The following GUCY2D variants were observed in gnomAD, a reference collection of about 807,000 sequenced individuals.
GUCY2D encodes retinal guanylyl cyclase 1.
GUCY2D carries 70 observed loss-of-function variants against 101.3 expected under a neutral mutation model. That is an observed-to-expected ratio of 0.69 (90% confidence interval 0.57 to 0.84). The LOEUF is 0.84. Among genes scored for constraint, GUCY2D ranks in the 40% least tolerant of loss-of-function variants. The probability of loss-of-function intolerance (pLI) is 0.00; values close to 1 mark genes in which losing one functional copy is unlikely to be tolerated. For synonymous variants in GUCY2D, 688 were observed against 670.7 expected, an observed-to-expected ratio of 1.03 and a Z score of -0.40; for missense variants, 1,460 against 1,542.5, an observed-to-expected ratio of 0.95 and a Z score of 0.90.
In GUCY2D at chr17:8,012,613, G is replaced by A; in HGVS notation, c.2113+7G>A. 1 of 1,610,216 alleles carries A rather than the reference G, an allele frequency of 6.2e-7. No individual in the cohort carries two copies. The highest frequency in any genetic ancestry group is 8.5e-7 in the Non-Finnish European group (1 of 1,177,316). On this transcript the variant is annotated splice_region_variant and intron_variant, in intron 10 of 19. Transcript: ENST00000254854. ...GAGCCTCCCAGAGCGGAGGGTAAGAGTCCCCTGTGCAGACGAGGATCCACC... is the reference window on the plus strand; with the variant it reads ...GAGCCTCCCAGAGCGGAGGGTAAGAATCCCCTGTGCAGACGAGGATCCACC...
At chr17:8,016,125 T>G in intron 17 of GUCY2D, 80 bp from the exon 18 acceptor site, 1 of 1,334,296 alleles carries the variant, frequency 7.5e-7, no homozygotes, top group Admixed American at 2.0e-5. Context: ...TGACCTGGTC[T>G]CCCAGTTCCA....
At position 8,003,768 on chromosome 17, in the gene GUCY2D, G is replaced by C. The variant is rs752141508; in HGVS notation, c.721G>C (p.Ala241Pro). Residue 241 changes from alanine (A) to proline (P), a missense_variant and splice_region_variant, in exon 2 of 20, where the codon GCA becomes CCA. Ala to Pro is a conservative substitution (Grantham distance 27). Coordinates refer to ENST00000254854, the MANE Select transcript of GUCY2D (RefSeq NM_000180.4). ...GGTTCGGGACGGGCCCAGGGTCACAGGTAGGCTCCCTTGCAGGGTGCGAGG... is the reference window on the plus strand; with the variant it reads ...GGTTCGGGACGGGCCCAGGGTCACACGTAGGCTCCCTTGCAGGGTGCGAGG... Reference protein sequence around the residue: ...RKVRDGPRVTAVIMVMHSVLL... With the variant: ...RKVRDGPRVTPVIMVMHSVLL... 1.2e-6 allele frequency: 2 copies of C among 1,600,052 alleles called. No individual in the cohort carries two copies. The highest frequency in any genetic ancestry group is 1.7e-6 in the Non-Finnish European group (2 of 1,179,624).
intron 3 of GUCY2D, 68 bp downstream of exon 3, chr17:8,004,224 A>G: frequency 1.4e-6 from 2 of 1,387,172 alleles, no homozygotes; most frequent in Non-Finnish European, 1.9e-6. Context: ...CAGGGAGAGG[A>G]GGATGCAGCC....
Position 8,004,016 on chromosome 17 carries a change from G to T in GUCY2D, c.886G>T (p.Ala296Ser). 6.2e-7 allele frequency: 1 copy of T among 1,612,712 alleles called. No homozygotes were observed. The highest frequency in any genetic ancestry group is 8.5e-7 in the Non-Finnish European group (1 of 1,179,926). ...SPGPEALAALANSSQLRRAHD... is the reference protein window; with the variant it reads ...SPGPEALAALSNSSQLRRAHD... The stretch of plus-strand genomic sequence containing the variant: ...AGGCCCGGAGGCCTTGGCCGCACTC[G>T]CCAACAGCTCCCAGCTTCGCAGGGC... The change falls in exon 3 of 20, where the codon GCC becomes TCC. Residue 296 changes from alanine (A) to serine (S), a missense_variant. Ala to Ser is a moderately conservative substitution (Grantham distance 99). Around this residue, in one of 3 missense-constraint regions of GUCY2D, gnomAD observed 1,196 missense variants for 1,229.6 expected, o/e 0.97. Coordinates refer to ENST00000254854, the MANE Select transcript of GUCY2D (RefSeq NM_000180.4).
intron 19 of GUCY2D, among the ~76,000 whole-genome samples, chr17:8,019,759 GAAATCTTATTTCC>G (rs1340689266): frequency 6.6e-6 from 1 of 152,126 alleles, no homozygotes; most frequent in African/African-American, 2.4e-5. Context: ...CATTTCTCTG[GAAATCTTATTTCC>G]TGGACCCAGT....
Position 8,012,131 on chromosome 17 carries a change from C to G in GUCY2D, c.1750-13C>G. The G allele has an allele frequency of 6.2e-7, 1 of 1,603,434 alleles. No individual in the cohort carries two copies. On this transcript the variant is annotated splice_polypyrimidine_tract_variant and intron_variant, in intron 8 of 19. Transcript: ENST00000254854. ...CCTGGGCAGAAAATGCAAGTCAACT[C>G]TCCCCCTCTCAGCTCCAGGAGCTCC...
Position 8,006,436 on chromosome 17 carries a change from C to T in GUCY2D, c.1100C>T (p.Ala367Val), listed in dbSNP as rs1164328257. The change falls in exon 4 of 20, where the codon GCC (alanine) becomes GTC (valine). Residue 367 changes from alanine to valine, a missense_variant. By Grantham distance (64) the Ala-to-Val change is moderately conservative (BLOSUM62 0). Transcript: ENST00000254854. ...AGGGGCGTGGCAGAAGCGCGGGCTGCCGCAGGTGGCAGATGGGTGTCCGGA... is the reference window on the plus strand; with the variant it reads ...AGGGGCGTGGCAGAAGCGCGGGCTGTCGCAGGTGGCAGATGGGTGTCCGGA... ...LARGVAEARAAAGGRWVSGAA... is the reference protein window; with the variant it reads ...LARGVAEARAVAGGRWVSGAA... 3 of 1,604,148 alleles carry T rather than the reference C, an allele frequency of 1.9e-6. No individual in the cohort carries two copies. Among genetic ancestry groups the T allele is most frequent in the East Asian group, 2.2e-5 (1 of 44,882 alleles).
At chr17:8,004,975 T>C (rs1019559889) in intron 3 of GUCY2D, among the ~76,000 whole-genome samples, 2 of 151,726 alleles carry the variant, frequency 1.3e-5, no homozygotes, top group African/African-American at 4.8e-5. Context: ...CATAATGAGA[T>C]GGGATGGAGG....
At position 8,014,655 on chromosome 17, in the gene GUCY2D, A is replaced by T. The variant is rs1264291406; in HGVS notation, c.2467A>T (p.Met823Leu). ...KTNIIDSMLR[M>L]LEQYSSNLED... ...GAACATCATTGACTCGATGCTTCGG[A>T]TGCTGGAGCAGTACTCTAGTAACCT... is the stretch of plus-strand genomic sequence containing the variant. The change falls in exon 13 of 20, where the codon ATG (methionine) becomes TTG (leucine). Residue 823 changes from methionine to leucine, a missense_variant. Transcript: ENST00000254854. The surrounding 1 kb of genome is among the most constrained non-coding windows in gnomAD (Gnocchi z 4.0). 1 of 1,613,844 alleles carries T rather than the reference A, an allele frequency of 6.2e-7. No homozygotes were observed. Among genetic ancestry groups the T allele is most frequent in the African/African-American group, 1.3e-5 (1 of 74,914 alleles).
intron 19 of GUCY2D, among the ~76,000 whole-genome samples, chr17:8,017,162 C>CATGT (rs1975994329): frequency 6.6e-6 from 1 of 152,192 alleles, no homozygotes; most frequent in Non-Finnish European, 1.5e-5. Flanking sequence ...CAAAACCAGC[C>CATGT]ATGTGACCTT....
chr17:8,004,193 G>T, intron 3 of GUCY2D, 37 bp downstream of exon 3: 16 of 1,540,958 alleles, frequency 1.0e-5, no homozygotes, highest in Non-Finnish European at 1.4e-5. Context: ...AGGCAAGGGA[G>T]AGGGGAGAGG....
In GUCY2D at chr17:8,012,317, G is replaced by A. The variant is rs1167136644; in HGVS notation, c.1923G>A (p.Met641Ile). The A allele has an allele frequency of 1.2e-6, 2 of 1,612,786 alleles. No individual in the cohort carries two copies. Among genetic ancestry groups the A allele is most frequent in the Non-Finnish European group, 1.7e-6 (2 of 1,179,552 alleles). The change falls in exon 9 of 20, where the codon ATG (methionine) becomes ATA (isoleucine). Residue 641 changes from methionine (M) to isoleucine (I), a missense_variant. Physicochemically the swap from Met to Ile is conservative, Grantham distance 10 (BLOSUM62 1). Around this residue, in one of 3 missense-constraint regions of GUCY2D, gnomAD observed 1,196 missense variants for 1,229.6 expected, o/e 0.97. Coordinates refer to ENST00000254854, the MANE Select transcript of GUCY2D (RefSeq NM_000180.4). ...LAQREIKLDW[M>I]FKSSLLLDLI... ...AGAGAGAAATAAAGCTGGACTGGATGTTCAAGTCCTCCCTCCTGCTGGACC... is the reference window on the plus strand; with the variant it reads ...AGAGAGAAATAAAGCTGGACTGGATATTCAAGTCCTCCCTCCTGCTGGACC...
intron 3 of GUCY2D, among the ~76,000 whole-genome samples, chr17:8,005,442 T>G (rs554046976): frequency 1.3e-5 from 2 of 152,260 alleles, no homozygotes; most frequent in East Asian, 3.9e-4. Context: ...CACCTGTCTT[T>G]CTCTCTCTTC....
Position 8,016,551 on chromosome 17 carries a change from A to G in GUCY2D, c.*21A>G, listed in dbSNP as rs962434482. ...CTTGAGAAGTGAGGCCCGGCCCCGG[A>G]CAGGTACTGCCCCCTCAGCCCCAAC... is the stretch of plus-strand genomic sequence containing the variant. On this transcript the variant is annotated 3_prime_UTR_variant, in exon 19 of 20. Transcript: ENST00000254854. The G allele has an allele frequency of 6.8e-6, 10 of 1,480,194 alleles. No homozygotes were observed. The highest frequency in any genetic ancestry group is 3.4e-4 in the Middle Eastern group (2 of 5,854). The allele number at this position is 1,480,194 out of a possible 1,614,324, so 91.7% of individuals were successfully genotyped here.
chr17:8,004,895 T>G (rs940218550), intron 3 of GUCY2D, among the ~76,000 whole-genome samples: 1 of 152,092 alleles, frequency 6.6e-6, no homozygotes, highest in African/African-American at 2.4e-5. Flanking sequence ...CCAAGAGGAT[T>G]GGAGGTGTCC....
chr17:8,014,066 C>A lies in GUCY2D; in HGVS notation c.2412+38C>A. On this transcript the variant is annotated intron_variant, in intron 12 of 19. Coordinates refer to ENST00000254854, the MANE Select transcript of GUCY2D (RefSeq NM_000180.4). This position sits in a 1 kb window ranked among gnomAD's most constrained non-coding sequence, Gnocchi z 4.0. ...GAGTGGGCAAGGACTGGGCTGGCCT[C>A]TGGGATCCCAGATGCTTGTCAGCAA... The A allele has an allele frequency of 6.3e-7, 1 of 1,591,752 alleles. No homozygotes were observed. The highest frequency in any genetic ancestry group is 8.6e-7 in the Non-Finnish European group (1 of 1,164,948).
At chr17:8,007,304 T>G in intron 5 of GUCY2D, 122 bp from the exon 6 acceptor site, 1 of 893,476 alleles carries the variant, frequency 1.1e-6, no homozygotes. Context: ...ATGTGTGCTT[T>G]GGGGATGGCT....
chr17:8,008,043 C>G lies in GUCY2D; in HGVS notation c.1668+11C>G. The stretch of plus-strand genomic sequence containing the variant: ...ATTGGTGTCTATGAGGTGAGCCTGA[C>G]CCCAGCCAGACAGAGAGACAGTGGG... On this transcript the variant is annotated intron_variant, in intron 7 of 19. Transcript: ENST00000254854. 6.5e-7 allele frequency: 1 copy of G among 1,543,908 alleles called. No individual in the cohort carries two copies. The highest frequency in any genetic ancestry group is 9.0e-7 in the Non-Finnish European group (1 of 1,116,784).
At chr17:8,012,763 G>A (rs549995044) in intron 10 of GUCY2D, among the ~76,000 whole-genome samples, 157 bp downstream of exon 10, 1 of 152,346 alleles carries the variant, frequency 6.6e-6, no homozygotes, top group Non-Finnish European at 1.5e-5. Flanking sequence ...CCTCTGAGAG[G>A]GTGGGCTCTG....
Sources: gnomAD v4.1 joint callset for allele counts (sites outside exome capture counted in the v4.1 genomes callset) on GRCh38, gnomAD v4.1.1 for gene constraint, gnomAD v4.1.1 regional missense constraint, Gnocchi (gnomAD v3.1) non-coding constraint, MANE v1.5 for transcripts, NCBI Gene and HGNC (gene_info 2026-07-23, HGNC 2026-07-21) for gene names.